The following ADGRL3 variants were observed in gnomAD, a reference collection of about 807,000 sequenced individuals.
ADGRL3 encodes the protein adhesion G protein-coupled receptor L3, also known as calcium-independent alpha-latrotoxin receptor 3.
Under a neutral mutation model 153.5 loss-of-function variants are expected in ADGRL3, and 62 were observed. The ratio of observed to expected loss-of-function variants is 0.40; its 90% CI spans 0.33 to 0.50. ADGRL3 has a LOEUF of 0.50. Among genes scored for constraint, ADGRL3 ranks in the 20% least tolerant of loss-of-function variants. The probability of loss-of-function intolerance (pLI) is 0.47; values close to 1 mark genes in which losing one functional copy is unlikely to be tolerated. For synonymous variants in ADGRL3, 710 were observed against 672.5 expected, an observed-to-expected ratio of 1.06 and a Z score of -0.86; for missense variants, 1,641 against 1,859.4, an observed-to-expected ratio of 0.88 and a Z score of 2.16.
intron 9 of ADGRL3, among the ~76,000 whole-genome samples, chr4:61,837,371 CAA>C (rs1424675621): frequency 6.6e-6 from 1 of 151,958 alleles, no homozygotes; most frequent in Non-Finnish European, 1.5e-5. Flanking sequence ...TACACAAAGG[CAA>C]TTAGAATGTG....
chr4:61,747,592 A>G lies in ADGRL3; in HGVS notation c.1399+14038A>G, dbSNP rs1333268080. On this transcript the variant is annotated intron_variant, in intron 8 of 26. Coordinates refer to ENST00000683033, the MANE Select transcript of ADGRL3 (RefSeq NM_001387552.1). ...AAATGTAATCCAGCATATAAACAGA[A>G]CCAAAGACAAAAACCACATGATTAT... Among the ~76,000 whole-genome samples the G allele has an allele frequency of 8.2e-5, 12 of 146,560 alleles. No individual in the cohort carries two copies. The East Asian group carries it at 1.6e-3, about 20-fold the overall frequency.
At chr4:62,069,547 A>T (rs1001261335) in intron 26 of ADGRL3, among the ~76,000 whole-genome samples, 10 of 151,986 alleles carry the variant, frequency 6.6e-5, no homozygotes, top group African/African-American at 2.4e-4. Context: ...GTGGTTTTGT[A>T]TGAAGGGATT....
intron 8 of ADGRL3, among the ~76,000 whole-genome samples, chr4:61,771,015 G>A (rs1288272043): frequency 6.6e-6 from 1 of 152,116 alleles, no homozygotes; most frequent in Non-Finnish European, 1.5e-5. Context: ...TAAGCAAAAG[G>A]AAAGGTCTCA....
intron 25 of ADGRL3, among the ~76,000 whole-genome samples, chr4:62,056,565 G>T (rs1353442167): frequency 6.6e-6 from 1 of 151,948 alleles, no homozygotes; most frequent in Non-Finnish European, 1.5e-5. Flanking sequence ...TTACACTGAA[G>T]TTGGTGTTCT....
At chr4:61,883,884 GCACAATGTGTAATGCAAGACAATTA>G (rs1325259873) in intron 9 of ADGRL3, among the ~76,000 whole-genome samples, 128 of 152,168 alleles carry the variant, frequency 8.4e-4, no homozygotes, top group African/African-American at 2.8e-3. Context: ...CCGATGCCCA[GCACAATGTGTAATGCAAGACAATTA>G]CACAATGTGT....
At chr4:61,591,113 G>A (rs1351139709) in intron 5 of ADGRL3, among the ~76,000 whole-genome samples, 1 of 152,098 alleles carries the variant, frequency 6.6e-6, no homozygotes, top group Non-Finnish European at 1.5e-5. Flanking sequence ...TTCCTACAAG[G>A]ATTGCCCTAT....
Position 62,068,182 on chromosome 4 carries a change from A to G in ADGRL3, c.3831A>G (p.Thr1277=). The change falls in exon 26 of 27, where the codon ACA becomes ACG. Residue 1277 remains threonine, a splice_region_variant and synonymous_variant. Coordinates refer to ENST00000683033, the MANE Select transcript of ADGRL3 (RefSeq NM_001387552.1). ...ASLNREPYRE[T]KGLLNNARDT... is the part of the protein sequence containing the mutation. ...GTCGTTTAGAGCCCTACAGAGAGAC[A>G]AGTATGGGAGTAAAGCTAAACATTG... 3 of 1,583,100 alleles carry G rather than the reference A, an allele frequency of 1.9e-6. No homozygotes were observed. The highest frequency in any genetic ancestry group is 2.6e-6 in the Non-Finnish European group (3 of 1,172,372).
chr4:61,523,363 T>C (rs1416798119), intron 4 of ADGRL3, among the ~76,000 whole-genome samples: 1 of 152,094 alleles, frequency 6.6e-6, no homozygotes, highest in African/African-American at 2.4e-5. Context: ...AGGAGAATAA[T>C]ATAATGTGGC....
intron 2 of ADGRL3, among the ~76,000 whole-genome samples, chr4:61,401,827 C>G (rs898267713): frequency 4.6e-5 from 7 of 152,018 alleles, no homozygotes; most frequent in Admixed American, 1.3e-4. Context: ...TTCTCTTAGG[C>G]ATATTTGAAT....
At chr4:61,472,768 A>T (rs1345352629) in intron 2 of ADGRL3, among the ~76,000 whole-genome samples, 1 of 152,026 alleles carries the variant, frequency 6.6e-6, no homozygotes, top group Non-Finnish European at 1.5e-5. Flanking sequence ...CTTTGGAGAG[A>T]TGGCCCTGAC....
intron 5 of ADGRL3, among the ~76,000 whole-genome samples, chr4:61,592,893 C>T (rs1024729832): frequency 6.6e-6 from 1 of 152,140 alleles, no homozygotes; most frequent in Non-Finnish European, 1.5e-5. Flanking sequence ...CAGCCATACT[C>T]AAAGCATGGT....
At chr4:61,318,970 C>A (rs558643616) in intron 1 of ADGRL3, among the ~76,000 whole-genome samples, 2 of 152,246 alleles carry the variant, frequency 1.3e-5, no homozygotes, top group East Asian at 3.9e-4. Context: ...TCTCTAGTTA[C>A]TCCTTGCAGC....
chr4:61,652,007 A>C (rs1371842079), intron 5 of ADGRL3, among the ~76,000 whole-genome samples: 1 of 152,066 alleles, frequency 6.6e-6, no homozygotes, highest in Non-Finnish European at 1.5e-5. Context: ...AAAAATGAAG[A>C]ATTAGATTAA....
At chr4:61,346,612 A>T (rs936967443) in intron 1 of ADGRL3, among the ~76,000 whole-genome samples, 3 of 101,752 alleles carry the variant, frequency 2.9e-5, no homozygotes, top group Admixed American at 2.1e-4. Flanking sequence ...AAAGAAAAAT[A>T]GAAAAAAAAA....
At chr4:61,522,919 C>G (rs567335777) in intron 4 of ADGRL3, among the ~76,000 whole-genome samples, 1 of 152,200 alleles carries the variant, frequency 6.6e-6, no homozygotes, top group South Asian at 2.1e-4. Context: ...CCACCTAACT[C>G]CTCTTCAACT....
At chr4:61,789,079 A>G (rs965465625) in intron 8 of ADGRL3, among the ~76,000 whole-genome samples, 5 of 152,164 alleles carry the variant, frequency 3.3e-5, no homozygotes, top group South Asian at 2.1e-4. Flanking sequence ...GCATTATGTC[A>G]TAAAATAAAC....
At chr4:62,028,978 C>T (rs1720451063) in intron 22 of ADGRL3, 97 bp downstream of exon 22, 2 of 1,078,894 alleles carry the variant, frequency 1.9e-6, no homozygotes, top group Admixed American at 4.6e-5. Flanking sequence ...GAGCTTCTGT[C>T]ATTCACGTAG....
intron 13 of ADGRL3, among the ~76,000 whole-genome samples, chr4:61,918,754 TAA>T: frequency 6.6e-6 from 1 of 152,334 alleles, no homozygotes; most frequent in East Asian, 1.9e-4. Context: ...TTTTGATAAT[TAA>T]AAAGATTCCA....
intron 12 of ADGRL3, among the ~76,000 whole-genome samples, chr4:61,911,719 T>C (rs2098722661): frequency 6.6e-6 from 1 of 152,114 alleles, no homozygotes. Flanking sequence ...GTAACTGCTC[T>C]ATGCTCATTG....
Sources: gnomAD v4.1 joint callset for allele counts (sites outside exome capture counted in the v4.1 genomes callset) on GRCh38, gnomAD v4.1.1 for gene constraint, MANE v1.5 for transcripts, NCBI Gene and HGNC (gene_info 2026-07-23, HGNC 2026-07-21) for gene names.